Variants in INPP5A observed in about 807,000 individuals in gnomAD.
INPP5A encodes 43 kDa inositol polyphosphate 5-phophatase.
A neutral mutation model predicts 65.2 loss-of-function variants in INPP5A; 14 were observed. The ratio of observed to expected loss-of-function variants is 0.21; its 90% CI spans 0.14 to 0.34. The LOEUF is 0.34. Ranked by LOEUF, INPP5A falls within the 10% of genes least tolerant of loss-of-function variation. The probability of loss-of-function intolerance (pLI) is 1.00; values close to 1 mark genes in which losing one functional copy is unlikely to be tolerated. For synonymous variants in INPP5A, 207 were observed against 208.3 expected (o/e 0.99, Z 0.05); for missense variants, 431 against 545.6 (o/e 0.79, Z 2.09).
rs998338486 is a variant in INPP5A at position 132,698,965 on chromosome 10, T to C, written c.474+1046T>C. Among the ~76,000 whole-genome samples the C allele has an allele frequency of 2.0e-5, 3 of 152,218 alleles. No homozygotes were observed. The highest frequency in any genetic ancestry group is 2.0e-4 in the Admixed American group (3 of 15,292). ...GCTCCTGTCACCCTGTGGCTCGGCC[T>C]CCTCATCCGTCTTCCCAAGGCCAAG... On this transcript the variant is annotated intron_variant, in intron 6 of 15. Coordinates refer to ENST00000368594, the MANE Select transcript of INPP5A (RefSeq NM_005539.5). This position sits in a 1 kb window ranked among gnomAD's most constrained non-coding sequence, Gnocchi z 5.5.
rs548601673 is a variant in INPP5A, at chr10:132,727,616, G to A, written c.732+711G>A. Among the ~76,000 whole-genome samples, 5 of 152,220 alleles carry A rather than the reference G, an allele frequency of 3.3e-5. No homozygotes were observed. The East Asian group carries it at 7.7e-4, about 24-fold the overall frequency. ...TTCATGACTTGGGATTCCACTTCCC[G>A]GGCAGCTGTGAAGAGGGGGGTGTGG... On this transcript the variant is annotated intron_variant, in intron 9 of 15. Transcript: ENST00000368594. This position sits in a 1 kb window ranked among gnomAD's most constrained non-coding sequence, Gnocchi z 6.5.
Position 132,697,995 on chromosome 10 carries a change from T to C in INPP5A, c.474+76T>C. On this transcript the variant is annotated intron_variant, in intron 6 of 15. Transcript: ENST00000368594. This position sits in a 1 kb window ranked among gnomAD's most constrained non-coding sequence, Gnocchi z 5.6. ...GTCAGAAGTGACATGGAACACGGAATTTTCGCATTGCACTGTTACTAGTCA... is the reference window on the plus strand; with the variant it reads ...GTCAGAAGTGACATGGAACACGGAACTTTCGCATTGCACTGTTACTAGTCA... The C allele has an allele frequency of 5.3e-6, 5 of 939,410 alleles. No homozygotes were observed. The highest frequency in any genetic ancestry group is 6.9e-6 in the Non-Finnish European group (4 of 583,820). 58.2% of individuals were successfully genotyped at this position (939,410 alleles called of 1,614,324 possible).
chr10:132,677,420 A>G (rs1362257008), intron 4 of INPP5A, among the ~76,000 whole-genome samples: 1 of 152,234 alleles, frequency 6.6e-6, no homozygotes, highest in Non-Finnish European at 1.5e-5. Flanking sequence ...TGCCGGGTGC[A>G]TATTTGTGGA....
intron 11 of INPP5A, among the ~76,000 whole-genome samples, chr10:132,750,684 C>T (rs1437684668): frequency 3.9e-5 from 6 of 152,256 alleles, no homozygotes; most frequent in Admixed American, 2.0e-4. Flanking sequence ...TCTGTAAACA[C>T]GCCCACTGTG....
chr10:132,572,109 G>A (rs771855387), intron 1 of INPP5A, among the ~76,000 whole-genome samples: 13 of 152,338 alleles, frequency 8.5e-5, no homozygotes, highest in Non-Finnish European at 1.8e-4. Flanking sequence ...GTCTGGCACC[G>A]CAGATAGTCT....
intron 12 of INPP5A, among the ~76,000 whole-genome samples, chr10:132,772,519 T>C (rs1318862966): frequency 1.1e-4 from 11 of 100,196 alleles, no homozygotes; most frequent in Admixed American, 5.7e-4. Flanking sequence ...AGCCACCCGA[T>C]GAAGAGTGGG....
At chr10:132,716,989 G>A (rs1845751153) in intron 8 of INPP5A, among the ~76,000 whole-genome samples, 1 of 152,200 alleles carries the variant, frequency 6.6e-6, no homozygotes, top group African/African-American at 2.4e-5. Flanking sequence ...ACATACTGCT[G>A]GGGCCCAGGA....
intron 1 of INPP5A, among the ~76,000 whole-genome samples, chr10:132,596,972 CAT>C (rs1491116109): frequency 1.5e-5 from 2 of 136,488 alleles, no homozygotes; most frequent in Admixed American, 7.2e-5. Flanking sequence ...TGCGTGTGTG[CAT>C]GCGTGTGTGC....
rs952339909 is a variant in INPP5A at position 132,550,132 on chromosome 10, G to A, written c.75+11961G>A. 4.6e-5 allele frequency among the ~76,000 whole-genome samples: 7 copies of A among 152,128 alleles called. No individual in the cohort carries two copies. The highest frequency in any genetic ancestry group is 7.2e-5 in the African/African-American group (3 of 41,406). On this transcript the variant is annotated intron_variant, in intron 1 of 15. Coordinates refer to ENST00000368594, the MANE Select transcript of INPP5A (RefSeq NM_005539.5). The surrounding 1 kb of genome is among the most constrained non-coding windows in gnomAD (Gnocchi z 4.2). The stretch of plus-strand genomic sequence containing the variant: ...GGCATTAGGGGATGGGGTCAGGCTC[G>A]AGTTACTAACCAGGCAGTAGAAGAT...
At chr10:132,636,886 G>A (rs748108599) in intron 2 of INPP5A, among the ~76,000 whole-genome samples, 2 of 152,114 alleles carry the variant, frequency 1.3e-5, no homozygotes, top group East Asian at 3.8e-4. Flanking sequence ...GAAGAGACTG[G>A]TGCTGGTCCG....
intron 5 of INPP5A, among the ~76,000 whole-genome samples, chr10:132,691,648 A>G (rs1306139940): frequency 6.6e-6 from 1 of 152,250 alleles, no homozygotes; most frequent in East Asian, 1.9e-4. Flanking sequence ...TGAGATACAC[A>G]CTTCACTCTA....
rs1422802849 is a variant in INPP5A, at chr10:132,644,361, T to C, written c.118-1507T>C. Among the ~76,000 whole-genome samples, 1 of 152,078 alleles carries C rather than the reference T, an allele frequency of 6.6e-6. No homozygotes were observed. Among genetic ancestry groups the C allele is most frequent in the Non-Finnish European group, 1.5e-5 (1 of 67,976 alleles). On this transcript the variant is annotated intron_variant, in intron 2 of 15. Coordinates refer to ENST00000368594, the MANE Select transcript of INPP5A (RefSeq NM_005539.5). This position sits in a 1 kb window ranked among gnomAD's most constrained non-coding sequence, Gnocchi z 6.5. Reference sequence around the variant, plus strand: ...CCTGTGCACGGGGCCTGGTCAGAGCTGTTTCTGTCTCCCCAGCCTGAGCCC... The same window carrying C: ...CCTGTGCACGGGGCCTGGTCAGAGCCGTTTCTGTCTCCCCAGCCTGAGCCC...
intron 12 of INPP5A, among the ~76,000 whole-genome samples, chr10:132,775,188 G>GAGGGGCAGGGAGGAGGGAGGGA (rs1847040258): frequency 5.7e-4 from 1 of 1,750 alleles, no homozygotes; most frequent in African/African-American, 2.3e-3. Context: ...CAGGGAGAGA[G>GAGGGGCAGGGAGGAGGGAGGGA]GGAGGGGCAG....
intron 4 of INPP5A, among the ~76,000 whole-genome samples, chr10:132,665,155 C>G (rs2133423636): frequency 6.6e-6 from 1 of 152,328 alleles, no homozygotes; most frequent in South Asian, 2.1e-4. Context: ...GAGGCCTTCC[C>G]TCGCCTTTGC....
intron 1 of INPP5A, among the ~76,000 whole-genome samples, 175 bp from the exon 2 acceptor site, chr10:132,607,740 G>A (rs1036241490): frequency 1.1e-4 from 17 of 152,250 alleles, no homozygotes; most frequent in Non-Finnish European, 1.8e-4. Context: ...CACACAGAGC[G>A]GGGTCCCCGC....
At chr10:132,693,081 T>C (rs560906309) in intron 5 of INPP5A, among the ~76,000 whole-genome samples, 1 of 152,286 alleles carries the variant, frequency 6.6e-6, no homozygotes, top group African/African-American at 2.4e-5. Flanking sequence ...TTAAGGAATA[T>C]AGTATTATTT....
chr10:132,642,245 A>G (rs1472180358), intron 2 of INPP5A, among the ~76,000 whole-genome samples: 1 of 152,202 alleles, frequency 6.6e-6, no homozygotes, highest in African/African-American at 2.4e-5. Context: ...CGTTTCCAGC[A>G]GAGGGGCAGC....
chr10:132,756,843 T>C (rs1476094627), intron 11 of INPP5A, among the ~76,000 whole-genome samples: 1 of 152,256 alleles, frequency 6.6e-6, no homozygotes, highest in Non-Finnish European at 1.5e-5. Flanking sequence ...CCTGAGGGCC[T>C]TTCCGTGGGA....
intron 1 of INPP5A, among the ~76,000 whole-genome samples, chr10:132,566,348 G>T (rs2071274744): frequency 6.6e-6 from 1 of 152,160 alleles, no homozygotes; most frequent in Non-Finnish European, 1.5e-5. Context: ...GGAACATCCG[G>T]CCCCAGTTCC....
Sources: allele counts gnomAD v4.1 joint callset (sites outside exome capture counted in the v4.1 genomes callset), GRCh38; gene constraint gnomAD v4.1.1; non-coding constraint Gnocchi (gnomAD v3.1); transcripts MANE v1.5; gene names NCBI Gene and HGNC (gene_info 2026-07-23, HGNC 2026-07-21).